Variants in USP3 observed in about 807,000 individuals in gnomAD.
USP3 encodes the protein ubiquitin specific peptidase 3, also known as ubiquitin carboxyl-terminal hydrolase 3.
USP3 carries 20 observed loss-of-function variants against 72.3 expected under a neutral mutation model. That is an observed-to-expected ratio of 0.28 (90% CI 0.19 to 0.40). The LOEUF is 0.40. Ranked by LOEUF, USP3 falls within the 10% of genes least tolerant of loss-of-function variation. The probability of loss-of-function intolerance (pLI) is 1.00; values close to 1 mark genes in which losing one functional copy is unlikely to be tolerated. For missense variants in USP3, 479 were observed against 633.9 expected, an observed-to-expected ratio of 0.76 and a Z score of 2.62; for synonymous variants, 222 against 225.3, an observed-to-expected ratio of 0.99 and a Z score of 0.13.
At position 63,588,940 on chromosome 15, in the gene USP3, G is replaced by A. The variant is rs2067129759; in HGVS notation, c.1330-4G>A. ...ACCACTGCTCCTTCTTCCTTGTTCT[G>A]TAGCCTGAGAACAGTGGCCCGGAGA... On this transcript the variant is annotated splice_region_variant and splice_polypyrimidine_tract_variant and intron_variant, in intron 13 of 14. Coordinates refer to ENST00000380324, the MANE Select transcript of USP3 (RefSeq NM_006537.4). The surrounding 1 kb of genome is among the most constrained non-coding windows in gnomAD (Gnocchi z 4.6). 2 of 1,614,028 alleles carry A rather than the reference G, an allele frequency of 1.2e-6. No individual in the cohort carries two copies. Among genetic ancestry groups the A allele is most frequent in the Non-Finnish European group, 1.7e-6 (2 of 1,180,044 alleles).
chr15:63,515,801 AGG>A (rs2065842808), intron 1 of USP3, among the ~76,000 whole-genome samples: 2 of 152,236 alleles, frequency 1.3e-5, no homozygotes, highest in Admixed American at 6.5e-5. Flanking sequence ...ATACAGAGAC[AGG>A]TAATAGTATC....
intron 2 of USP3, among the ~76,000 whole-genome samples, chr15:63,535,233 A>T (rs2066138342): frequency 2.0e-5 from 3 of 152,170 alleles, no homozygotes. Context: ...ACCCAGCCTT[A>T]CATTTTATTA....
At chr15:63,536,050 A>G (rs1481056983) in intron 2 of USP3, among the ~76,000 whole-genome samples, 1 of 151,848 alleles carries the variant, frequency 6.6e-6, no homozygotes, top group African/African-American at 2.4e-5. Flanking sequence ...GGTGTACACC[A>G]TGTGCATATG....
chr15:63,589,349 CATCTACTTTA>C (rs1169501059), intron 14 of USP3, among the ~76,000 whole-genome samples: 1 of 152,220 alleles, frequency 6.6e-6, no homozygotes, highest in Non-Finnish European at 1.5e-5. Context: ...TACTCCATAT[CATCTACTTTA>C]AAGACTCATT....
chr15:63,542,183 T>G (rs2066254703), intron 3 of USP3: 1 of 985,116 alleles, frequency 1.0e-6, no homozygotes, highest in Non-Finnish European at 1.2e-6. Context: ...ATTTTAAAGC[T>G]GAGAAAGAGG....
intron 5 of USP3, among the ~76,000 whole-genome samples, chr15:63,557,403 C>T (rs1461848118): frequency 6.6e-6 from 1 of 152,178 alleles, no homozygotes; most frequent in Non-Finnish European, 1.5e-5. Context: ...GCTGGGATTA[C>T]AGGCACACGC....
intron 7 of USP3, among the ~76,000 whole-genome samples, chr15:63,560,691 A>T (rs1446118729): frequency 6.6e-6 from 1 of 151,796 alleles, no homozygotes; most frequent in African/African-American, 2.4e-5. Context: ...TGATACGGAG[A>T]GGGGGGGAAG....
In USP3 at chr15:63,528,973, T is replaced by A. The variant is rs763988688; in HGVS notation, c.92-3674T>A. 1 of 1,280,854 alleles carries A rather than the reference T, an allele frequency of 7.8e-7. No individual in the cohort carries two copies. Among genetic ancestry groups the A allele is most frequent in the Middle Eastern group, 2.1e-4 (1 of 4,668 alleles). The allele number at this position is 1,280,854 out of a possible 1,614,324, so 79.3% of individuals were successfully genotyped here. On this transcript the variant is annotated intron_variant, in intron 1 of 14. Transcript: ENST00000380324. This position sits in a 1 kb window ranked among gnomAD's most constrained non-coding sequence, Gnocchi z 4.3. ...CCCAAAGCAATGCCATTTATTGGCT[T>A]CAGAATCCCTCATAATACCCTATCC...
intron 14 of USP3, 35 bp downstream of exon 14, chr15:63,589,046 T>C (rs1292087052): frequency 1.2e-6 from 2 of 1,611,070 alleles, no homozygotes; most frequent in East Asian, 2.2e-5. Flanking sequence ...TGGGTGGGAA[T>C]ACCTGGTGGC....
intron 7 of USP3, among the ~76,000 whole-genome samples, chr15:63,561,169 C>CACA (rs2152673456): frequency 6.6e-6 from 1 of 152,172 alleles, no homozygotes; most frequent in African/African-American, 2.4e-5. Context: ...GGAGGCTTTG[C>CACA]ACTCTACAGT....
intron 8 of USP3, among the ~76,000 whole-genome samples, chr15:63,566,889 A>G (rs1393419747): frequency 6.6e-6 from 1 of 152,242 alleles, no homozygotes; most frequent in African/African-American, 2.4e-5. Context: ...TATTTTGGCC[A>G]AAACAACAAC....
At chr15:63,560,183 G>A (rs544105314) in intron 7 of USP3, among the ~76,000 whole-genome samples, 17 of 152,302 alleles carry the variant, frequency 1.1e-4, no homozygotes, top group African/African-American at 3.8e-4. Flanking sequence ...ACTTTGGGAT[G>A]CTGAGGCGGG....
rs970224361 is a variant in USP3, at chr15:63,504,613, C to G, written c.-127C>G. Reference sequence around the variant, plus strand: ...CCGTGCTTTCTTTGACGCAAGGGCTCGAGACGCAGCCGCCGTCGGCCGAGC... The same window carrying G: ...CCGTGCTTTCTTTGACGCAAGGGCTGGAGACGCAGCCGCCGTCGGCCGAGC... On this transcript the variant is annotated 5_prime_UTR_variant, in exon 1 of 15. Transcript: ENST00000380324. The G allele has an allele frequency of 6.7e-6, 5 of 751,780 alleles. No individual in the cohort carries two copies. Among genetic ancestry groups the G allele is most frequent in the Non-Finnish European group, 1.0e-5 (5 of 499,614 alleles). 46.6% of individuals were successfully genotyped at this position (751,780 alleles called of 1,614,324 possible).
chr15:63,555,658 A>G (rs777958357), intron 4 of USP3, among the ~76,000 whole-genome samples: 7 of 152,222 alleles, frequency 4.6e-5, no homozygotes, highest in Admixed American at 2.0e-4. Context: ...AAGAGCATAT[A>G]TACTATGCTT....
At chr15:63,580,288 T>C (rs1227924602) in intron 11 of USP3, among the ~76,000 whole-genome samples, 1 of 152,136 alleles carries the variant, frequency 6.6e-6, no homozygotes, top group African/African-American at 2.4e-5. Context: ...TTAAACAGCA[T>C]ACACTGTGCT....
intron 11 of USP3, among the ~76,000 whole-genome samples, chr15:63,578,613 G>GAAAAA (rs527520835): frequency 1.2e-5 from 1 of 85,582 alleles, no homozygotes. Context: ...CTCCGTCTCA[G>GAAAAA]AAAAAAAAAA....
intron 1 of USP3, among the ~76,000 whole-genome samples, chr15:63,524,639 T>C (rs150391344): frequency 1.8e-4 from 28 of 152,314 alleles, no homozygotes; most frequent in Admixed American, 5.2e-4. Context: ...CTGGTACCTC[T>C]GTGCTCCTTG....
intron 1 of USP3, among the ~76,000 whole-genome samples, chr15:63,517,151 A>T (rs1207554785): frequency 6.6e-6 from 1 of 151,862 alleles, no homozygotes; most frequent in African/African-American, 2.4e-5. Context: ...TTAACTCGTC[A>T]TTAGGCTTAT....
Position 63,590,843 on chromosome 15 carries a change from TCATTCAC to T in USP3, c.*20_*26del. 1 of 1,600,010 alleles carries T rather than the reference TCATTCAC, an allele frequency of 6.2e-7. No individual in the cohort carries two copies. The highest frequency in any genetic ancestry group is 1.1e-5 in the South Asian group (1 of 88,838). On this transcript the variant is annotated 3_prime_UTR_variant, in exon 15 of 15. Coordinates refer to ENST00000380324, the MANE Select transcript of USP3 (RefSeq NM_006537.4). ...AAACTTTAATACCTCCTCCAAATCATCATTCACCAACCATACCAGAGAAACATTTCCA... is the reference window on the plus strand; with the variant it reads ...AAACTTTAATACCTCCTCCAAATCATCAACCATACCAGAGAAACATTTCCA...
Sources: allele counts gnomAD v4.1 joint callset (sites outside exome capture counted in the v4.1 genomes callset), GRCh38; gene constraint gnomAD v4.1.1; non-coding constraint Gnocchi (gnomAD v3.1); transcripts MANE v1.5; gene names NCBI Gene and HGNC (gene_info 2026-07-23, HGNC 2026-07-21).